The following WWP2 variants were observed in gnomAD, a reference collection of about 807,000 sequenced individuals.
The protein encoded by WWP2 is NEDD4-like E3 ubiquitin-protein ligase WWP2.
A neutral mutation model predicts 121.0 loss-of-function variants in WWP2; 57 were observed. The observed-to-expected ratio is 0.47, with a 90% CI of 0.38 to 0.59. The LOEUF (loss-of-function observed/expected upper bound fraction) is 0.59. Ranked by LOEUF, WWP2 falls within the 20% of genes least tolerant of loss-of-function variation. WWP2 has a pLI of 0.00. For synonymous variants in WWP2, 449 were observed against 441.3 expected (o/e 1.02, Z -0.22); for missense variants, 962 against 1,158.9 (o/e 0.83, Z 2.47).
At chr16:69,815,095 T>C (rs560006864) in intron 4 of WWP2, among the ~76,000 whole-genome samples, 47 of 152,254 alleles carry the variant, frequency 3.1e-4, no homozygotes, top group African/African-American at 1.1e-3. Flanking sequence ...CTTCGCTTCC[T>C]GGGTTCAAGC....
intron 4 of WWP2, chr16:69,838,749 C>T (rs765344547): frequency 7.2e-5 from 71 of 985,208 alleles, no homozygotes; most frequent in Non-Finnish European, 8.4e-5. Context: ...TTTATAGAAA[C>T]GTTTAGTACT....
chr16:69,819,991 G>C (rs764078463), intron 4 of WWP2, among the ~76,000 whole-genome samples: 7 of 152,148 alleles, frequency 4.6e-5, no homozygotes, highest in Non-Finnish European at 8.8e-5. Flanking sequence ...TGTGATCTCA[G>C]TGCATTAAGA....
chr16:69,779,799 T>C (rs2055623822), intron 1 of WWP2, among the ~76,000 whole-genome samples: 1 of 152,220 alleles, frequency 6.6e-6, no homozygotes, highest in South Asian at 2.1e-4. Context: ...TTAACCCCTG[T>C]TAACTAAAAG....
chr16:69,783,063 T>A (rs147608376), intron 1 of WWP2: 1 of 140,770 alleles, frequency 7.1e-6, no homozygotes, highest in African/African-American at 2.7e-5. Context: ...CAGGCTGGGG[T>A]GCAGCGGCGT....
At chr16:69,790,934 G>A (rs536312907) in intron 2 of WWP2, among the ~76,000 whole-genome samples, 1 of 152,222 alleles carries the variant, frequency 6.6e-6, no homozygotes, top group East Asian at 1.9e-4. Flanking sequence ...TGGATTGCCT[G>A]TTCATGTTCT....
chr16:69,937,810 G>A lies in WWP2; in HGVS notation c.2343+158G>A, dbSNP rs1020480296. 2.0e-5 allele frequency among the ~76,000 whole-genome samples: 3 copies of A among 152,220 alleles called. No homozygotes were observed. Among genetic ancestry groups the A allele is most frequent in the Non-Finnish European group, 2.9e-5 (2 of 68,040 alleles). On this transcript the variant is annotated intron_variant, in intron 21 of 23. Transcript: ENST00000359154. The surrounding 1 kb of genome is among the most constrained non-coding windows in gnomAD (Gnocchi z 6.6). The stretch of plus-strand genomic sequence containing the variant: ...ACGATAGACCAGCCTTGGGATGAAC[G>A]GGGACAGTTCCAGCTGAGTGGTGGC...
chr16:69,928,652 G>A (rs1291631154), intron 11 of WWP2, among the ~76,000 whole-genome samples: 2 of 152,172 alleles, frequency 1.3e-5, no homozygotes, highest in Non-Finnish European at 2.9e-5. Flanking sequence ...CTTATTGCCT[G>A]TAATCCCAGT....
At chr16:69,913,282 C>T (rs954444082) in intron 9 of WWP2, among the ~76,000 whole-genome samples, 10 of 151,716 alleles carry the variant, frequency 6.6e-5, no homozygotes, top group African/African-American at 2.2e-4. Context: ...AGCCACCCAC[C>T]TCGGCCTCCC....
At chr16:69,880,242 A>C (rs1266044245) in intron 7 of WWP2, among the ~76,000 whole-genome samples, 1 of 151,702 alleles carries the variant, frequency 6.6e-6, no homozygotes, top group Non-Finnish European at 1.5e-5. Flanking sequence ...TCACAAAGAC[A>C]TTAAGTAAAC....
At chr16:69,875,424 A>G (rs1437245296) in intron 7 of WWP2, among the ~76,000 whole-genome samples, 1 of 152,214 alleles carries the variant, frequency 6.6e-6, no homozygotes, top group Non-Finnish European at 1.5e-5. Context: ...TTCTAATAAG[A>G]CAACATGAAG....
intron 2 of WWP2, among the ~76,000 whole-genome samples, chr16:69,793,060 T>C (rs2151803266): frequency 1.3e-5 from 2 of 152,184 alleles, no homozygotes; most frequent in Middle Eastern, 6.8e-3. Flanking sequence ...ACTGCACAGA[T>C]AAAATAAATT....
At chr16:69,768,744 C>G (rs1306011034) in intron 1 of WWP2, among the ~76,000 whole-genome samples, 1 of 152,224 alleles carries the variant, frequency 6.6e-6, no homozygotes, top group East Asian at 1.9e-4. Flanking sequence ...CAGTCAGCCT[C>G]TTTTATTCTT....
At chr16:69,810,900 T>G (rs8060916) in intron 4 of WWP2, among the ~76,000 whole-genome samples, 7,034 of 151,668 alleles carry the variant, frequency 0.046, 515 homozygotes, top group African/African-American at 0.15. Context: ...GATTACAGGT[T>G]CACACCACCA....
At position 69,937,296 on chromosome 16, in the gene WWP2, G is replaced by GT. The variant is rs2058814327; in HGVS notation, c.2238+59dup. On this transcript the variant is annotated intron_variant, in intron 20 of 23. Coordinates refer to ENST00000359154, the MANE Select transcript of WWP2 (RefSeq NM_001270454.2). The surrounding 1 kb of genome is among the most constrained non-coding windows in gnomAD (Gnocchi z 6.6). ...CCTGCCTCTGGGGCGATCCTGCTCTGTGATACGCTCACTGTGTACCCACAG... is the reference window on the plus strand; with the variant it reads ...CCTGCCTCTGGGGCGATCCTGCTCTGTTGATACGCTCACTGTGTACCCACAG... 6.3e-7 allele frequency: 1 copy of GT among 1,598,120 alleles called. No individual in the cohort carries two copies. Among genetic ancestry groups the GT allele is most frequent in the African/African-American group, 1.3e-5 (1 of 74,454 alleles).
intron 2 of WWP2, among the ~76,000 whole-genome samples, chr16:69,795,743 G>A (rs1597680019): frequency 1.4e-5 from 2 of 143,300 alleles, no homozygotes; most frequent in Non-Finnish European, 3.0e-5. Flanking sequence ...CGCCTCCTGG[G>A]TTCAAACAGT....
At chr16:69,850,548 C>T (rs1397870281) in intron 6 of WWP2, among the ~76,000 whole-genome samples, 3 of 152,038 alleles carry the variant, frequency 2.0e-5, no homozygotes, top group Admixed American at 6.6e-5. Context: ...CTAGATATGC[C>T]TGGGAGATTT....
intron 6 of WWP2, among the ~76,000 whole-genome samples, chr16:69,853,664 G>T (rs2057259118): frequency 6.6e-6 from 1 of 152,166 alleles, no homozygotes; most frequent in African/African-American, 2.4e-5. Context: ...TGCAGGAACT[G>T]GTGAGGTTAC....
At chr16:69,932,824 A>T (rs1260954378) in intron 16 of WWP2, among the ~76,000 whole-genome samples, 3 of 152,178 alleles carry the variant, frequency 2.0e-5, no homozygotes, top group Non-Finnish European at 4.4e-5. Context: ...CCTCTGGGAA[A>T]TGCTGCCTTG....
At chr16:69,847,895 G>A (rs556002744) in intron 6 of WWP2, among the ~76,000 whole-genome samples, 1 of 152,064 alleles carries the variant, frequency 6.6e-6, no homozygotes, top group Non-Finnish European at 1.5e-5. Flanking sequence ...GGGACAAACT[G>A]CATCCAAACC....
Sources: gnomAD v4.1 joint callset for allele counts (sites outside exome capture counted in the v4.1 genomes callset) on GRCh38, gnomAD v4.1.1 for gene constraint, Gnocchi (gnomAD v3.1) non-coding constraint, MANE v1.5 for transcripts, NCBI Gene and HGNC (gene_info 2026-07-23, HGNC 2026-07-21) for gene names.